Variants in PPIG observed in about 807,000 individuals in gnomAD.
PPIG encodes peptidylprolyl isomerase G.
In PPIG, 26 loss-of-function variants were observed where a neutral mutation model predicts 87.9. That is an observed-to-expected ratio of 0.30 (90% CI 0.22 to 0.41). PPIG has a LOEUF of 0.41. PPIG is among the 10% of genes least tolerant of loss of function. The pLI is 1.00. For synonymous variants in PPIG, 308 were observed against 276.5 expected (o/e 1.11, Z -1.13); for missense variants, 722 against 879.4 (o/e 0.82, Z 2.26).
rs561887769 is a variant in PPIG at position 169,594,334 on chromosome 2, A to AC, written c.-69-9308_-69-9307insC. Among the ~76,000 whole-genome samples the AC allele has an allele frequency of 6.5e-3, 992 of 151,736 alleles. 9 individuals carry two copies. Among genetic ancestry groups the AC allele is most frequent in the Non-Finnish European group, 0.01 (706 of 67,898 alleles). ...TTTGCTGTTGATAGGCAAAAAAAAA[A>AC]AAACGCATTTTATTAGTACTTTTTT... On this transcript the variant is annotated intron_variant, in intron 1 of 13. Transcript: ENST00000260970.
At chr2:169,616,843 T>G (rs1308452990) in intron 9 of PPIG, among the ~76,000 whole-genome samples, 1 of 152,194 alleles carries the variant, frequency 6.6e-6, no homozygotes, top group Non-Finnish European at 1.5e-5. Flanking sequence ...CAGAAGCTCT[T>G]TAGTTTAATT....
At chr2:169,594,486 A>G (rs1684964554) in intron 1 of PPIG, among the ~76,000 whole-genome samples, 1 of 152,070 alleles carries the variant, frequency 6.6e-6, no homozygotes, top group Non-Finnish European at 1.5e-5. Flanking sequence ...CTGTCTTTTT[A>G]ATGTGCTTAC....
At chr2:169,624,834 C>T (rs976733027) in intron 9 of PPIG, among the ~76,000 whole-genome samples, 2 of 152,134 alleles carry the variant, frequency 1.3e-5, no homozygotes, top group Admixed American at 6.5e-5. Flanking sequence ...TCGTGATCCG[C>T]CCACCTCGGC....
intron 9 of PPIG, among the ~76,000 whole-genome samples, chr2:169,619,973 A>G (rs1271356313): frequency 6.6e-6 from 1 of 151,944 alleles, no homozygotes; most frequent in East Asian, 1.9e-4. Flanking sequence ...TATATTTTGG[A>G]TATTAACCCG....
At chr2:169,598,676 A>G (rs1160285822) in intron 1 of PPIG, among the ~76,000 whole-genome samples, 1 of 152,002 alleles carries the variant, frequency 6.6e-6, no homozygotes, top group Non-Finnish European at 1.5e-5. Context: ...GCAGTAAATG[A>G]ACAGATTTCT....
chr2:169,627,049 A>G (rs6737443), intron 9 of PPIG, among the ~76,000 whole-genome samples: 90,097 of 151,432 alleles, frequency 0.59, 27,410 homozygotes, highest in African/African-American at 0.73. Context: ...CTGATTCTTG[A>G]GCAGATTATA....
chr2:169,620,789 A>G (rs1685728518), intron 9 of PPIG, among the ~76,000 whole-genome samples: 1 of 152,152 alleles, frequency 6.6e-6, no homozygotes, highest in African/African-American at 2.4e-5. Context: ...TGTGGCTGAT[A>G]CTATTTTATT....
At chr2:169,596,876 G>A (rs1019012026) in intron 1 of PPIG, among the ~76,000 whole-genome samples, 9 of 151,928 alleles carry the variant, frequency 5.9e-5, no homozygotes, top group African/African-American at 2.2e-4. Flanking sequence ...TCACTTTTGT[G>A]TTTTTAGTAG....
At chr2:169,611,537 T>G (rs1018451736) in intron 7 of PPIG, among the ~76,000 whole-genome samples, 1 of 152,218 alleles carries the variant, frequency 6.6e-6, no homozygotes, top group Admixed American at 6.5e-5. Flanking sequence ...TTTTAATATT[T>G]AAGAAGTTTA....
At position 169,637,169 on chromosome 2, in the gene PPIG, A is replaced by G; in HGVS notation, c.1911A>G (p.Gln637=). Residue 637 remains glutamine (Q), a synonymous_variant, in exon 14 of 14, where the codon CAA becomes CAG. Coordinates refer to ENST00000260970, the MANE Select transcript of PPIG (RefSeq NM_004792.3). ...DSRSSEREES[Q]SRNKDKYRNQ... ...GGAGCTCAGAGAGAGAAGAAAGTCA[A>G]AGCAGAAACAAAGACAAATACAGAA... 6.2e-7 allele frequency: 1 copy of G among 1,613,106 alleles called. No homozygotes were observed. The highest frequency in any genetic ancestry group is 8.5e-7 in the Non-Finnish European group (1 of 1,179,760).
chr2:169,610,620 A>G (rs939533944), intron 7 of PPIG, among the ~76,000 whole-genome samples: 7 of 151,730 alleles, frequency 4.6e-5, no homozygotes, highest in African/African-American at 1.7e-4. Context: ...AGTTCCATCT[A>G]TACATGTTAA....
In PPIG at chr2:169,636,926, C is replaced by T. The variant is rs1370411246; in HGVS notation, c.1668C>T (p.His556=). Residue 556 remains histidine, a synonymous_variant, in exon 14 of 14, where the codon CAC becomes CAT. Coordinates refer to ENST00000260970, the MANE Select transcript of PPIG (RefSeq NM_004792.3). ...SRECDITKGK[H]SYNSRTRERS... is the part of the protein sequence containing the mutation. ...AATGTGATATAACTAAAGGTAAACACAGTTATAATAGCAGAACAAGAGAAC... is the reference window on the plus strand; with the variant it reads ...AATGTGATATAACTAAAGGTAAACATAGTTATAATAGCAGAACAAGAGAAC... 1 of 1,613,830 alleles carries T rather than the reference C, an allele frequency of 6.2e-7. No individual in the cohort carries two copies. The highest frequency in any genetic ancestry group is 1.7e-5 in the Admixed American group (1 of 59,988).
intron 10 of PPIG, 31 bp downstream of exon 10, chr2:169,631,018 T>G (rs754474251): frequency 1.3e-6 from 2 of 1,503,538 alleles, no homozygotes; most frequent in Non-Finnish European, 1.8e-6. Context: ...ATGCTAGCTT[T>G]ATATTCTGAT....
chr2:169,591,600 C>CT (rs771216625), intron 1 of PPIG, among the ~76,000 whole-genome samples: 5 of 151,882 alleles, frequency 3.3e-5, no homozygotes, highest in Admixed American at 1.3e-4. Flanking sequence ...GTATATTATA[C>CT]TTAAATTTCT....
At chr2:169,607,074 G>A (rs1201878720) in intron 5 of PPIG, 30 bp from the exon 6 acceptor site, 1 of 1,461,962 alleles carries the variant, frequency 6.8e-7, no homozygotes, top group Non-Finnish European at 9.5e-7. Flanking sequence ...AGCTTACTGA[G>A]AGTTATAAGA....
chr2:169,621,266 A>G (rs773587711), intron 9 of PPIG, among the ~76,000 whole-genome samples: 9 of 152,122 alleles, frequency 5.9e-5, no homozygotes, highest in Non-Finnish European at 7.4e-5. Flanking sequence ...CGAGATGGGC[A>G]TGGAGAAGGC....
chr2:169,586,594 C>A (rs1024637039), intron 1 of PPIG, among the ~76,000 whole-genome samples: 5 of 152,054 alleles, frequency 3.3e-5, no homozygotes, highest in African/African-American at 1.2e-4. Context: ...TTGGTGACTT[C>A]TACATATTTT....
rs1686027139 is a variant in PPIG, at chr2:169,630,818, TCC to T, written c.593_594del (p.Ser198PhefsTer4). On this transcript the variant is annotated frameshift_variant, in exon 10 of 14. Transcript: ENST00000260970. LOFTEE classifies it high-confidence loss of function. ...AAGGCATAAATCATCATCATCTTCC[TCC>T]TCCTCATCTAGTGACTCAGATAGCT... ...KKRHKSSSSS[S>X]SSSSDSDSSS... The T allele has an allele frequency of 6.2e-7, 1 of 1,611,168 alleles. No homozygotes were observed. The highest frequency in any genetic ancestry group is 8.5e-7 in the Non-Finnish European group (1 of 1,179,214).
chr2:169,607,105 A>G lies in PPIG; in HGVS notation c.246A>G (p.Gly82=). The stretch of plus-strand genomic sequence containing the variant: ...TAAGAGTATGTTTTTCATTTTTAGG[A>G]AATGGACGAGGAGGGGAATCTATCT... ...FMVQGGDFSE[G]NGRGGESIYG... is the part of the protein sequence containing the mutation. The change falls in exon 6 of 14, where the codon GGA becomes GGG. Residue 82 remains glycine, a splice_region_variant and synonymous_variant. Coordinates refer to ENST00000260970, the MANE Select transcript of PPIG (RefSeq NM_004792.3). 1 of 1,567,528 alleles carries G rather than the reference A, an allele frequency of 6.4e-7. No homozygotes were observed. The highest frequency in any genetic ancestry group is 8.8e-7 in the Non-Finnish European group (1 of 1,142,466).
Sources: gnomAD v4.1 joint callset for allele counts (sites outside exome capture counted in the v4.1 genomes callset) on GRCh38, gnomAD v4.1.1 for gene constraint, MANE v1.5 for transcripts, NCBI Gene and HGNC (gene_info 2026-07-23, HGNC 2026-07-21) for gene names.